CUX2: variants seen among roughly 807,000 people sequenced by gnomAD.
CUX2 encodes homeobox protein cut-like 2.
Under a neutral mutation model 144.8 loss-of-function variants are expected in CUX2, and 40 were observed. The ratio of observed to expected loss-of-function variants is 0.28; its 90% CI spans 0.21 to 0.36. CUX2 has a LOEUF of 0.36. CUX2 is among the 10% of genes least tolerant of loss of function. The probability of loss-of-function intolerance (pLI) is 1.00; values close to 1 mark genes in which losing one functional copy is unlikely to be tolerated. For synonymous variants in CUX2, 827 were observed against 875.6 expected (o/e 0.94, Z 0.98); for missense variants, 1,615 against 1,994.0 (o/e 0.81, Z 3.62).
In CUX2 at chr12:111,295,320, C is replaced by T. The variant is rs780563664; in HGVS notation, c.561-13C>T. On this transcript the variant is annotated splice_polypyrimidine_tract_variant and intron_variant, in intron 6 of 21. Coordinates refer to ENST00000261726, the MANE Select transcript of CUX2 (RefSeq NM_015267.4). This position sits in a 1 kb window ranked among gnomAD's most constrained non-coding sequence, Gnocchi z 5.0. ...CCCTGCAGCCAGCACAAGCAGGCCTCGTCTCTCCGCAGGGGCCTTCAAGAA... is the reference window on the plus strand; with the variant it reads ...CCCTGCAGCCAGCACAAGCAGGCCTTGTCTCTCCGCAGGGGCCTTCAAGAA... The T allele has an allele frequency of 4.3e-6, 7 of 1,610,562 alleles. No individual in the cohort carries two copies. Among genetic ancestry groups the T allele is most frequent in the East Asian group, 2.2e-5 (1 of 44,724 alleles).
chr12:111,254,906 G>A (rs1405164872), intron 3 of CUX2, among the ~76,000 whole-genome samples: 1 of 152,188 alleles, frequency 6.6e-6, no homozygotes, highest in South Asian at 2.1e-4. Context: ...CTGGAGTGCA[G>A]TGGCACGATC....
At chr12:111,181,966 G>T (rs1158095223) in intron 1 of CUX2, among the ~76,000 whole-genome samples, 2 of 152,166 alleles carry the variant, frequency 1.3e-5, no homozygotes, top group East Asian at 3.9e-4. Context: ...TTCATGGGGG[G>T]TGCAAGGACC....
Position 111,277,075 on chromosome 12 carries a change from C to A in CUX2, c.301+13236C>A, listed in dbSNP as rs1884914606. Among the ~76,000 whole-genome samples, 1 of 152,176 alleles carries A rather than the reference C, an allele frequency of 6.6e-6. No homozygotes were observed. The highest frequency in any genetic ancestry group is 2.4e-5 in the African/African-American group (1 of 41,438). On this transcript the variant is annotated intron_variant, in intron 4 of 21. Coordinates refer to ENST00000261726, the MANE Select transcript of CUX2 (RefSeq NM_015267.4). The surrounding 1 kb of genome is among the most constrained non-coding windows in gnomAD (Gnocchi z 5.0). ...ATATCAGGTGGGGGTCTCATCTGCC[C>A]CCTGCCCTACCCAACCTTGTGGATG...
At chr12:111,042,933 G>T (rs1285303493) in intron 1 of CUX2, among the ~76,000 whole-genome samples, 1 of 151,992 alleles carries the variant, frequency 6.6e-6, no homozygotes, top group South Asian at 2.1e-4. Context: ...ACCGTGCCCA[G>T]CCTGTTTTGA....
chr12:111,237,440 C>T (rs898701517), intron 3 of CUX2, among the ~76,000 whole-genome samples: 2 of 152,196 alleles, frequency 1.3e-5, no homozygotes, highest in African/African-American at 4.8e-5. Flanking sequence ...CTCACCTGGG[C>T]CTCCTGAATG....
chr12:111,096,663 G>GT (rs2136061985), intron 1 of CUX2, among the ~76,000 whole-genome samples: 1 of 152,282 alleles, frequency 6.6e-6, no homozygotes, highest in African/African-American at 2.4e-5. Context: ...CACGGGGTGG[G>GT]TTTGTGAGTT....
At chr12:111,176,983 A>G (rs879911426) in intron 1 of CUX2, among the ~76,000 whole-genome samples, 1 of 152,164 alleles carries the variant, frequency 6.6e-6, no homozygotes, top group African/African-American at 2.4e-5. Flanking sequence ...TCCACCCACT[A>G]GACGCCAGTA....
At chr12:111,070,416 CCTTCCTTCCTTCCTT>C (rs1871212321) in intron 1 of CUX2, among the ~76,000 whole-genome samples, 1 of 121,572 alleles carries the variant, frequency 8.2e-6, no homozygotes, top group Non-Finnish European at 1.7e-5. Context: ...TTCCTTCCTT[CCTTCCTTCCTTCCTT>C]CCTTCCTTCC....
chr12:111,335,980 A>G (rs1888332786), intron 19 of CUX2, among the ~76,000 whole-genome samples: 1 of 151,516 alleles, frequency 6.6e-6, no homozygotes, highest in Non-Finnish European at 1.5e-5. Context: ...AGTCAGCCCC[A>G]GGGCATCCAG....
At position 111,034,464 on chromosome 12, in the gene CUX2, T is replaced by A. The variant is rs1233530851; in HGVS notation, c.63+224T>A. Among the ~76,000 whole-genome samples the A allele has an allele frequency of 6.6e-6, 1 of 151,396 alleles. No individual in the cohort carries two copies. The highest frequency in any genetic ancestry group is 1.5e-5 in the Non-Finnish European group (1 of 67,802). ...AGTCATCGATTAGCTGCCGCGACCA[T>A]GGAGAAGCGCTAGTGAGCCCTCGGT... On this transcript the variant is annotated intron_variant, in intron 1 of 21. Coordinates refer to ENST00000261726, the MANE Select transcript of CUX2 (RefSeq NM_015267.4). This position sits in a 1 kb window ranked among gnomAD's most constrained non-coding sequence, Gnocchi z 4.2.
In CUX2 at chr12:111,171,113, C is replaced by T. The variant is rs1878493982; in HGVS notation, c.64-43087C>T. Reference sequence around the variant, plus strand: ...AAGGAGAGAATAGGTGCTGGTAACACCTGGAGTCATCCCAGCAGGTGTCAG... The same window carrying T: ...AAGGAGAGAATAGGTGCTGGTAACATCTGGAGTCATCCCAGCAGGTGTCAG... On this transcript the variant is annotated intron_variant, in intron 1 of 21. Coordinates refer to ENST00000261726, the MANE Select transcript of CUX2 (RefSeq NM_015267.4). The surrounding 1 kb of genome is among the most constrained non-coding windows in gnomAD (Gnocchi z 5.0). Among the ~76,000 whole-genome samples, 1 of 152,120 alleles carries T rather than the reference C, an allele frequency of 6.6e-6. No individual in the cohort carries two copies. Among genetic ancestry groups the T allele is most frequent in the Non-Finnish European group, 1.5e-5 (1 of 68,022 alleles).
At chr12:111,271,319 T>C (rs1209180292) in intron 4 of CUX2, among the ~76,000 whole-genome samples, 1 of 152,128 alleles carries the variant, frequency 6.6e-6, no homozygotes, top group African/African-American at 2.4e-5. Flanking sequence ...AGAAAAGCAT[T>C]TTGTTGTTTT....
rs771651425 is a variant in CUX2, at chr12:111,320,283, G to A, written c.2274G>A (p.Pro758=). ...GCAGCGGGGGCCCCGCGCAGGCGCC[G>A]CTCCCGGTCCTGTCCCCCGCCGCCT... ...EEGSGGPAQA[P]LPVLSPAAFV... Residue 758 remains proline, a synonymous_variant, in exon 17 of 22, where the codon CCG becomes CCA. Coordinates refer to ENST00000261726, the MANE Select transcript of CUX2 (RefSeq NM_015267.4). This position sits in a 1 kb window ranked among gnomAD's most constrained non-coding sequence, Gnocchi z 8.1. The A allele has an allele frequency of 6.3e-6, 10 of 1,595,612 alleles. No individual in the cohort carries two copies. Among genetic ancestry groups the A allele is most frequent in the Admixed American group, 5.0e-5 (3 of 59,792 alleles).
chr12:111,301,348 G>A (rs530638001), intron 9 of CUX2, among the ~76,000 whole-genome samples: 58 of 152,218 alleles, frequency 3.8e-4, no homozygotes, highest in African/African-American at 1.3e-3. Flanking sequence ...TACTCTAGGC[G>A]AGGACCGCCC....
intron 1 of CUX2, among the ~76,000 whole-genome samples, chr12:111,096,242 G>A (rs937203470): frequency 7.9e-5 from 12 of 152,154 alleles, no homozygotes; most frequent in Non-Finnish European, 5.9e-5. Context: ...GGAGCCCTCC[G>A]GTGGGGGTGA....
chr12:111,324,275 G>A (rs1887670298), intron 18 of CUX2, among the ~76,000 whole-genome samples: 2 of 151,182 alleles, frequency 1.3e-5, no homozygotes, highest in African/African-American at 4.9e-5. Flanking sequence ...ACATGACCTG[G>A]GAGGCAGAGG....
rs1167455110 is a variant in CUX2, at chr12:111,068,622, G to A, written c.63+34382G>A. On this transcript the variant is annotated intron_variant, in intron 1 of 21. Transcript: ENST00000261726. This position sits in a 1 kb window ranked among gnomAD's most constrained non-coding sequence, Gnocchi z 4.9. ...AGCTGGTGTTTTCTCCTGTGTTCCC[G>A]GCAGGGCCCTGCAGCAGTGCCTTTG... 1.3e-5 allele frequency among the ~76,000 whole-genome samples: 2 copies of A among 152,320 alleles called. No individual in the cohort carries two copies. The highest frequency in any genetic ancestry group is 1.9e-4 in the East Asian group (1 of 5,188).
At chr12:111,125,359 A>G (rs1004210485) in intron 1 of CUX2, among the ~76,000 whole-genome samples, 3 of 152,028 alleles carry the variant, frequency 2.0e-5, no homozygotes, top group Admixed American at 6.6e-5. Context: ...TTGTGTTTTT[A>G]GTAGAGACAA....
Position 111,146,186 on chromosome 12 carries a change from C to A in CUX2, c.64-68014C>A, listed in dbSNP as rs1377719754. 2.6e-5 allele frequency among the ~76,000 whole-genome samples: 4 copies of A among 152,370 alleles called. No individual in the cohort carries two copies. The South Asian group carries it at 8.3e-4, about 32-fold the overall frequency. ...ATAACTGATGAACCCACACTGACAC[C>A]TCATTATCACCCAGAGTCCACAGTT... On this transcript the variant is annotated intron_variant, in intron 1 of 21. Coordinates refer to ENST00000261726, the MANE Select transcript of CUX2 (RefSeq NM_015267.4).
Sources: allele counts gnomAD v4.1 joint callset (sites outside exome capture counted in the v4.1 genomes callset), GRCh38; gene constraint gnomAD v4.1.1; non-coding constraint Gnocchi (gnomAD v3.1); transcripts MANE v1.5; gene names NCBI Gene and HGNC (gene_info 2026-07-23, HGNC 2026-07-21).